The following SAMD3 variants were observed in gnomAD, a reference collection of about 807,000 sequenced individuals.
SAMD3 encodes the protein sterile alpha motif domain-containing protein 3.
Under a neutral mutation model 58.5 loss-of-function variants are expected in SAMD3, and 63 were observed. The observed-to-expected ratio is 1.08, with a 90% CI of 0.88 to 1.33. SAMD3 has a LOEUF of 1.33. Among genes scored for constraint, SAMD3 ranks in the 40% most tolerant of loss-of-function variants. The pLI is 0.00. For missense variants in SAMD3, 604 were observed against 608.4 expected, an observed-to-expected ratio of 0.99 and a Z score of 0.08; for synonymous variants, 220 against 210.3, an observed-to-expected ratio of 1.05 and a Z score of -0.40.
chr6:130,340,638 G>T (rs934920634), intron 1 of SAMD3, among the ~76,000 whole-genome samples: 1 of 152,218 alleles, frequency 6.6e-6, no homozygotes, highest in Non-Finnish European at 1.5e-5. Flanking sequence ...AATTAGAAGG[G>T]TTAAAGTAAA....
At chr6:130,221,782 G>A (rs1271442046) in intron 1 of SAMD3, 1 of 152,020 alleles carries the variant, frequency 6.6e-6, no homozygotes. Context: ...GGACCTGAGA[G>A]GTTCCAACAC....
intron 1 of SAMD3, among the ~76,000 whole-genome samples, chr6:130,315,087 A>C (rs1035573565): frequency 6.6e-6 from 1 of 151,508 alleles, no homozygotes; most frequent in Admixed American, 6.6e-5. Context: ...AGCATTGAGA[A>C]TAATATGGTG....
At chr6:130,280,621 T>A (rs557556671) in intron 2 of SAMD3, among the ~76,000 whole-genome samples, 1 of 152,344 alleles carries the variant, frequency 6.6e-6, no homozygotes, top group East Asian at 1.9e-4. Context: ...GTGTCCCACT[T>A]GGATTCTGTA....
upstream of SAMD3, among the ~76,000 whole-genome samples, chr6:130,226,143 A>C (rs1054438333): frequency 3.9e-5 from 6 of 152,230 alleles, no homozygotes; most frequent in African/African-American, 1.4e-4. Flanking sequence ...CCTGATGGGC[A>C]GACTGGAGCT....
At chr6:130,251,684 G>A (rs1773743343) in intron 2 of SAMD3, among the ~76,000 whole-genome samples, 1 of 152,106 alleles carries the variant, frequency 6.6e-6, no homozygotes, top group East Asian at 1.9e-4. Flanking sequence ...TAATCCTAGA[G>A]GTGAAGATTT....
chr6:130,340,358 G>T (rs545975054), intron 1 of SAMD3, among the ~76,000 whole-genome samples: 1 of 152,094 alleles, frequency 6.6e-6, no homozygotes, highest in Non-Finnish European at 1.5e-5. Context: ...CACTAGTATA[G>T]CATCTTCGAA....
chr6:130,327,710 T>A (rs1776800362), intron 1 of SAMD3, among the ~76,000 whole-genome samples: 3 of 152,196 alleles, frequency 2.0e-5, no homozygotes. Flanking sequence ...TTAATATTTG[T>A]AATAACCACC....
At chr6:130,314,713 C>G (rs973086028) in intron 1 of SAMD3, among the ~76,000 whole-genome samples, 1 of 152,138 alleles carries the variant, frequency 6.6e-6, no homozygotes, top group Non-Finnish European at 1.5e-5. Flanking sequence ...AAATATCTGG[C>G]TCTGGGAAAG....
At chr6:130,177,398 A>G (rs1791826579) in intron 7 of SAMD3, among the ~76,000 whole-genome samples, 1 of 152,176 alleles carries the variant, frequency 6.6e-6, no homozygotes, top group African/African-American at 2.4e-5. Context: ...TTGTGAGACC[A>G]GAGACATGGA....
intron 2 of SAMD3, among the ~76,000 whole-genome samples, chr6:130,228,623 C>T (rs1002001833): frequency 2.6e-5 from 4 of 152,176 alleles, no homozygotes; most frequent in African/African-American, 4.8e-5. Flanking sequence ...CTGGGAGCCG[C>T]GGGTGTTAAG....
At chr6:130,297,098 A>AG (rs1351865939) in intron 2 of SAMD3, among the ~76,000 whole-genome samples, 1 of 152,174 alleles carries the variant, frequency 6.6e-6, no homozygotes, top group East Asian at 1.9e-4. Flanking sequence ...ACCAAATAAA[A>AG]AGCAAGCCTG....
At chr6:130,305,850 T>TA (rs1775895996) in intron 2 of SAMD3, among the ~76,000 whole-genome samples, 1 of 152,262 alleles carries the variant, frequency 6.6e-6, no homozygotes, top group African/African-American at 2.4e-5. Flanking sequence ...TTTGGGCTTC[T>TA]ATAACAAAAC....
intron 1 of SAMD3, among the ~76,000 whole-genome samples, chr6:130,346,299 G>A (rs1004976686): frequency 8.5e-5 from 13 of 152,178 alleles, no homozygotes; most frequent in Non-Finnish European, 1.9e-4. Context: ...AAGTGCAAGG[G>A]GTCAGGGAAT....
At chr6:130,349,313 A>G (rs1777570105) in intron 1 of SAMD3, among the ~76,000 whole-genome samples, 2 of 152,218 alleles carry the variant, frequency 1.3e-5, no homozygotes, top group African/African-American at 4.8e-5. Flanking sequence ...AAAGATCAAC[A>G]AAATTGATAG....
At chr6:130,159,334 A>G (rs1387163750) in intron 8 of SAMD3, among the ~76,000 whole-genome samples, 1 of 152,190 alleles carries the variant, frequency 6.6e-6, no homozygotes. Context: ...CTCCCCAGTC[A>G]TGTGTAACTG....
chr6:130,200,755 C>T (rs780929580), intron 5 of SAMD3, among the ~76,000 whole-genome samples: 1 of 151,972 alleles, frequency 6.6e-6, no homozygotes, highest in Non-Finnish European at 1.5e-5. Context: ...TGAGGAGGGC[C>T]TCTCTTCATT....
At chr6:130,282,756 G>T (rs544295535) in intron 2 of SAMD3, among the ~76,000 whole-genome samples, 3 of 152,344 alleles carry the variant, frequency 2.0e-5, no homozygotes, top group Non-Finnish European at 4.4e-5. Flanking sequence ...TGTGTTTCAT[G>T]CAGGCTCAAG....
chr6:130,336,180 T>A (rs1211710622), intron 1 of SAMD3, among the ~76,000 whole-genome samples: 1 of 152,100 alleles, frequency 6.6e-6, no homozygotes, highest in Non-Finnish European at 1.5e-5. Flanking sequence ...TACAATAAAA[T>A]TTAAAAATTT....
intron 1 of SAMD3, among the ~76,000 whole-genome samples, chr6:130,327,923 C>T (rs1397070289): frequency 1.3e-5 from 2 of 151,820 alleles, no homozygotes; most frequent in Non-Finnish European, 2.9e-5. Context: ...TTTTTCAAAC[C>T]AATCAGGAGA....
Sources: gnomAD v4.1 joint callset for allele counts (sites outside exome capture counted in the v4.1 genomes callset) on GRCh38, gnomAD v4.1.1 for gene constraint, MANE v1.5 for transcripts, NCBI Gene and HGNC (gene_info 2026-07-23, HGNC 2026-07-21) for gene names.